Variants in SLC39A11 observed in about 807,000 individuals in gnomAD.
The protein encoded by SLC39A11 is solute carrier family 39 member 11, also known as zinc transporter ZIP11.
Under a neutral mutation model 36.1 loss-of-function variants are expected in SLC39A11, and 33 were observed. The observed-to-expected ratio is 0.91, with a 90% CI of 0.69 to 1.22. The LOEUF (loss-of-function observed/expected upper bound fraction) is 1.22. Ranked by LOEUF, SLC39A11 falls within the 50% of genes most tolerant of loss-of-function variation. The pLI is 0.00. For synonymous variants in SLC39A11, 166 were observed against 170.3 expected (o/e 0.97, Z 0.20); for missense variants, 432 against 430.3 (o/e 1.00, Z -0.03).
chr17:73,015,395 G>A (rs946730409), intron 4 of SLC39A11, among the ~76,000 whole-genome samples: 5 of 151,986 alleles, frequency 3.3e-5, no homozygotes, highest in Non-Finnish European at 4.4e-5. Flanking sequence ...ATAACGTCAC[G>A]ACCTATGCAA....
intron 5 of SLC39A11, among the ~76,000 whole-genome samples, chr17:72,890,813 AG>A (rs1185682997): frequency 6.6e-6 from 1 of 152,108 alleles, no homozygotes; most frequent in Admixed American, 6.5e-5. Flanking sequence ...GATGAAATGT[AG>A]GGGGATAGAA....
intron 6 of SLC39A11, among the ~76,000 whole-genome samples, chr17:72,835,893 C>T (rs1375310394): frequency 6.6e-6 from 1 of 152,362 alleles, no homozygotes; most frequent in South Asian, 2.1e-4. Context: ...TTGGTGGCTC[C>T]AGGATCCAAG....
intron 3 of SLC39A11, among the ~76,000 whole-genome samples, chr17:73,046,449 A>G (rs959267533): frequency 6.6e-6 from 1 of 152,138 alleles, no homozygotes; most frequent in Non-Finnish European, 1.5e-5. Context: ...TGGATGTCCT[A>G]CGAAAAAGCC....
At chr17:72,776,623 A>AC (rs1259581840) in intron 6 of SLC39A11, among the ~76,000 whole-genome samples, 4 of 151,030 alleles carry the variant, frequency 2.6e-5, no homozygotes, top group Non-Finnish European at 5.9e-5. Context: ...AAAAAAAAAA[A>AC]AAAAAACAGA....
At chr17:72,933,337 C>T (rs377478183) in intron 5 of SLC39A11, among the ~76,000 whole-genome samples, 6 of 151,996 alleles carry the variant, frequency 3.9e-5, no homozygotes, top group East Asian at 3.9e-4. Context: ...CCATAAAACA[C>T]TTAGAGGTAT....
At chr17:72,783,053 C>T (rs2076382828) in intron 6 of SLC39A11, among the ~76,000 whole-genome samples, 1 of 149,448 alleles carries the variant, frequency 6.7e-6, no homozygotes, top group African/African-American at 2.5e-5. Context: ...AGCAGATTTT[C>T]ACCAGAAAGC....
rs565159813 is a variant in SLC39A11, at chr17:72,933,747, T to G, written c.430+14005A>C. ...GTTGGCCAGGCTGGTCTCAAACTCC[T>G]GACCTCAAACGATCCACCCGACTCA... On this transcript the variant is annotated intron_variant, in intron 5 of 9. Transcript: ENST00000255559. 1.1e-3 allele frequency among the ~76,000 whole-genome samples: 174 copies of G among 152,292 alleles called. 1 individual carries two copies. The highest frequency in any genetic ancestry group is 3.9e-3 in the African/African-American group (164 of 41,568).
At chr17:72,719,846 C>A (rs549434980) in intron 7 of SLC39A11, among the ~76,000 whole-genome samples, 1 of 152,078 alleles carries the variant, frequency 6.6e-6, no homozygotes, top group South Asian at 2.1e-4. Context: ...AGGAAAGGGC[C>A]GCAGCATAAA....
chr17:72,709,634 G>C (rs1373284884), intron 7 of SLC39A11, among the ~76,000 whole-genome samples: 1 of 152,234 alleles, frequency 6.6e-6, no homozygotes, highest in Non-Finnish European at 1.5e-5. Context: ...GTGTGTGCAC[G>C]TAAGTGTATG....
chr17:72,963,156 C>CTT (rs201136018), intron 4 of SLC39A11, among the ~76,000 whole-genome samples: 4 of 136,776 alleles, frequency 2.9e-5, no homozygotes, highest in African/African-American at 1.1e-4. Flanking sequence ...GGGTATAATT[C>CTT]TTTTTTTCCT....
chr17:73,049,596 G>A (rs545323859), intron 3 of SLC39A11, among the ~76,000 whole-genome samples: 1 of 152,284 alleles, frequency 6.6e-6, no homozygotes, highest in South Asian at 2.1e-4. Context: ...TTCGGGGTAG[G>A]GGCAGTTAAA....
intron 5 of SLC39A11, among the ~76,000 whole-genome samples, chr17:72,898,621 A>C (rs1398694286): frequency 6.6e-6 from 1 of 152,252 alleles, no homozygotes; most frequent in Non-Finnish European, 1.5e-5. Context: ...CACACATGCA[A>C]GCACATGCAT....
At chr17:72,791,781 A>C (rs556167148) in intron 6 of SLC39A11, among the ~76,000 whole-genome samples, 2 of 152,140 alleles carry the variant, frequency 1.3e-5, no homozygotes, top group African/African-American at 4.8e-5. Context: ...TGGTTTTATA[A>C]GGGGCTTTTC....
At position 72,746,358 on chromosome 17, in the gene SLC39A11, C is replaced by T. The variant is rs138009776; in HGVS notation, c.602-9639G>A. On this transcript the variant is annotated intron_variant, in intron 6 of 9. Transcript: ENST00000255559. ...GAGGGGTCAGGTGTGATGGCTGACACCTGTAATCCCAGCAATTTGGGAGGC... is the reference window on the plus strand; with the variant it reads ...GAGGGGTCAGGTGTGATGGCTGACATCTGTAATCCCAGCAATTTGGGAGGC... 1.5e-3 allele frequency among the ~76,000 whole-genome samples: 221 copies of T among 151,372 alleles called. 3 individuals are homozygous for T. The highest frequency in any genetic ancestry group is 7.1e-3 in the South Asian group (34 of 4,818).
chr17:72,705,175 C>T (rs1024830185), intron 7 of SLC39A11, among the ~76,000 whole-genome samples: 1 of 152,074 alleles, frequency 6.6e-6, no homozygotes, highest in Non-Finnish European at 1.5e-5. Flanking sequence ...CTGTGTCTTG[C>T]AAATGATATA....
At chr17:72,967,370 CAG>C (rs72044418) in intron 4 of SLC39A11, among the ~76,000 whole-genome samples, 6,397 of 110,084 alleles carry the variant, frequency 0.058, 276 homozygotes, top group East Asian at 0.14. Context: ...TAAGCATGCT[CAG>C]AGAGAGAGAG....
chr17:72,788,488 G>A (rs897458342), intron 6 of SLC39A11, among the ~76,000 whole-genome samples: 10 of 152,228 alleles, frequency 6.6e-5, no homozygotes, highest in African/African-American at 2.4e-4. Flanking sequence ...ACACGACCAG[G>A]CAGCAGTCCC....
chr17:72,724,597 G>A (rs984572494), intron 7 of SLC39A11, among the ~76,000 whole-genome samples: 1 of 152,088 alleles, frequency 6.6e-6, no homozygotes, highest in Non-Finnish European at 1.5e-5. Context: ...GAGCCCCAGG[G>A]TTCAGGAACC....
At chr17:72,724,312 C>T (rs1223220204) in intron 7 of SLC39A11, among the ~76,000 whole-genome samples, 2 of 152,112 alleles carry the variant, frequency 1.3e-5, no homozygotes, top group Non-Finnish European at 2.9e-5. Flanking sequence ...TGGCTCCTTT[C>T]ATTTGAGTTT....
Sources: allele counts gnomAD v4.1 joint callset (sites outside exome capture counted in the v4.1 genomes callset), GRCh38; gene constraint gnomAD v4.1.1; transcripts MANE v1.5; gene names NCBI Gene and HGNC (gene_info 2026-07-23, HGNC 2026-07-21).